The following PTPA variants were observed in gnomAD, a reference collection of about 807,000 sequenced individuals.
PTPA encodes the protein serine/threonine-protein phosphatase 2A activator.
Under a neutral mutation model 43.6 loss-of-function variants are expected in PTPA, and 13 were observed. That is an observed-to-expected ratio of 0.30 (90% confidence interval 0.19 to 0.47). The LOEUF is 0.47. PTPA is among the 20% of genes least tolerant of loss of function. The pLI is 0.99. For missense variants in PTPA, 329 were observed against 411.9 expected, an observed-to-expected ratio of 0.80 and a Z score of 1.74; for synonymous variants, 172 against 158.2, an observed-to-expected ratio of 1.09 and a Z score of -0.66.
intron 3 of PTPA, among the ~76,000 whole-genome samples, chr9:129,127,466 C>G (rs552036950): frequency 6.6e-6 from 1 of 152,338 alleles, no homozygotes; most frequent in Admixed American, 6.5e-5. Context: ...TCCATAGACA[C>G]AGGCAAGATC....
Position 129,147,470 on chromosome 9 carries a change from G to T in PTPA, c.*6G>T. ...ATCCTGTCACGTCGGGCTAGGAGGGGCCAAGCCGAAGAGCCACCCAGGCCA... is the reference window on the plus strand; with the variant it reads ...ATCCTGTCACGTCGGGCTAGGAGGGTCCAAGCCGAAGAGCCACCCAGGCCA... On this transcript the variant is annotated 3_prime_UTR_variant, in exon 10 of 10. Coordinates refer to ENST00000393370, the MANE Select transcript of PTPA (RefSeq NM_178000.3). 1 of 1,612,948 alleles carries T rather than the reference G, an allele frequency of 6.2e-7. No individual in the cohort carries two copies. Among genetic ancestry groups the T allele is most frequent in the Non-Finnish European group, 8.5e-7 (1 of 1,179,780 alleles).
chr9:129,110,970 A>T (rs765252742), upstream of PTPA: 12 of 1,370,402 alleles, frequency 8.8e-6, no homozygotes, highest in African/African-American at 1.5e-4. The surrounding 1 kb of genome is among the most constrained non-coding windows in gnomAD (Gnocchi z 5.3). Flanking sequence ...GTGGAGGAGG[A>T]AGGAGGAGGT....
At chr9:129,128,563 A>G (rs1849739391) in intron 3 of PTPA, among the ~76,000 whole-genome samples, 1 of 150,978 alleles carries the variant, frequency 6.6e-6, no homozygotes, top group African/African-American at 2.4e-5. Context: ...AGTTTAGTGT[A>G]TTTCTGGGTG....
chr9:129,113,219 G>T (rs1263989183), intron 1 of PTPA, among the ~76,000 whole-genome samples: 1 of 151,758 alleles, frequency 6.6e-6, no homozygotes, highest in Non-Finnish European at 1.5e-5. Flanking sequence ...TCAGCCTCCT[G>T]AGTAGCTGGG....
chr9:129,144,600 G>A (rs1002491140), intron 9 of PTPA, among the ~76,000 whole-genome samples: 5 of 151,994 alleles, frequency 3.3e-5, no homozygotes, highest in Admixed American at 1.3e-4. Context: ...TTAGCCGGGC[G>A]TGGTGGCGGG....
upstream of PTPA, chr9:129,111,288 G>C: frequency 8.4e-7 from 1 of 1,189,028 alleles, no homozygotes; most frequent in Non-Finnish European, 1.0e-6. Flanking sequence ...GGCCGTGAGC[G>C]GTCCTAGCGC....
chr9:129,115,282 A>G (rs1008375966), intron 1 of PTPA, among the ~76,000 whole-genome samples: 1 of 152,190 alleles, frequency 6.6e-6, no homozygotes, highest in Non-Finnish European at 1.5e-5. Flanking sequence ...TACTAATAGC[A>G]GTTTTGGGTT....
rs900415886 is a variant in PTPA, at chr9:129,134,421, A to G, written c.461-374A>G. On this transcript the variant is annotated intron_variant, in intron 5 of 9. Coordinates refer to ENST00000393370, the MANE Select transcript of PTPA (RefSeq NM_178000.3). ...CTGGGCTCAGGAGATCCTCCATCTCAGCCTCCTGAGTAGTTGGGACCACAG... is the reference window on the plus strand; with the variant it reads ...CTGGGCTCAGGAGATCCTCCATCTCGGCCTCCTGAGTAGTTGGGACCACAG... Among the ~76,000 whole-genome samples the G allele has an allele frequency of 1.3e-4, 19 of 145,736 alleles. 1 individual carries two copies. Among genetic ancestry groups the G allele is most frequent in the South Asian group, 8.5e-4 (4 of 4,694 alleles).
intron 9 of PTPA, chr9:129,142,762 C>G (rs1039357284): frequency 9.8e-6 from 15 of 1,536,268 alleles, no homozygotes; most frequent in Non-Finnish European, 1.2e-5. Flanking sequence ...ACCCCAGCCC[C>G]GAAAAGCTGC....
At chr9:129,146,196 C>T (rs941744742) in intron 9 of PTPA, among the ~76,000 whole-genome samples, 2 of 152,098 alleles carry the variant, frequency 1.3e-5, no homozygotes, top group South Asian at 2.1e-4. Context: ...CGGCTGCTCC[C>T]CCTCCCGCCC....
intron 1 of PTPA, among the ~76,000 whole-genome samples, chr9:129,112,505 G>A (rs1299884335): frequency 6.6e-6 from 1 of 152,224 alleles, no homozygotes; most frequent in Admixed American, 6.5e-5. Flanking sequence ...GAAGGTCTCA[G>A]GAGGGAGAAA....
chr9:129,138,687 G>A (rs944913373), intron 8 of PTPA, among the ~76,000 whole-genome samples: 2 of 152,160 alleles, frequency 1.3e-5, no homozygotes, highest in African/African-American at 4.8e-5. Flanking sequence ...CTCTCCGTCC[G>A]GGCTGTGTAT....
At chr9:129,142,162 A>C in intron 8 of PTPA, 1 of 319,128 alleles carries the variant, frequency 3.1e-6, no homozygotes, top group Non-Finnish European at 5.8e-6. Flanking sequence ...TGTGGGAGAA[A>C]GAGGGGTGAC....
chr9:129,134,676 C>T, intron 5 of PTPA, 119 bp from the exon 6 acceptor site: 1 of 724,522 alleles, frequency 1.4e-6, no homozygotes, highest in East Asian at 2.6e-5. Context: ...GTCTCATTGT[C>T]TCCATGTTGA....
Position 129,111,534 on chromosome 9 carries a change from G to A in PTPA, c.-67G>A, listed in dbSNP as rs1848482700. Reference sequence around the variant, plus strand: ...CTTTGGTGGAGCCGGGGAGAGGAAGGGTGGGTGCAAGAGTGAAAGGCGAGA... The same window carrying A: ...CTTTGGTGGAGCCGGGGAGAGGAAGAGTGGGTGCAAGAGTGAAAGGCGAGA... On this transcript the variant is annotated 5_prime_UTR_variant, in exon 1 of 10. Coordinates refer to ENST00000393370, the MANE Select transcript of PTPA (RefSeq NM_178000.3). 1 of 1,281,366 alleles carries A rather than the reference G, an allele frequency of 7.8e-7. No individual in the cohort carries two copies. The highest frequency in any genetic ancestry group is 9.9e-7 in the Non-Finnish European group (1 of 1,005,976). The allele number at this position is 1,281,366 out of a possible 1,614,324, so 79.4% of individuals were successfully genotyped here. A position where few individuals can be genotyped will look rare whatever the true frequency, so the allele number is the denominator to read the frequency against.
intron 2 of PTPA, among the ~76,000 whole-genome samples, chr9:129,121,269 A>G (rs1398641483): frequency 3.3e-5 from 5 of 152,192 alleles, no homozygotes; most frequent in Admixed American, 6.5e-5. Context: ...AGTGTTGCTC[A>G]TGCAGAAGGC....
intron 3 of PTPA, among the ~76,000 whole-genome samples, chr9:129,127,738 C>T (rs189745869): frequency 1.4e-4 from 22 of 152,286 alleles, no homozygotes; most frequent in African/African-American, 4.6e-4. Context: ...GGGATGGGCT[C>T]TCAAACTCTG....
At chr9:129,115,412 C>T (rs1309491872) in intron 1 of PTPA, among the ~76,000 whole-genome samples, 2 of 152,156 alleles carry the variant, frequency 1.3e-5, no homozygotes, top group South Asian at 2.1e-4. Flanking sequence ...CTCTATCCTT[C>T]TCCTTAGGTC....
At chr9:129,129,949 G>T (rs981643491) in intron 4 of PTPA, among the ~76,000 whole-genome samples, 10 of 152,090 alleles carry the variant, frequency 6.6e-5, no homozygotes, top group African/African-American at 2.4e-4. Flanking sequence ...GGTCCCAGCT[G>T]CTTGGGTGGC....
Sources: allele counts gnomAD v4.1 joint callset (sites outside exome capture counted in the v4.1 genomes callset), GRCh38; gene constraint gnomAD v4.1.1; non-coding constraint Gnocchi (gnomAD v3.1); transcripts MANE v1.5; gene names NCBI Gene and HGNC (gene_info 2026-07-23, HGNC 2026-07-21).